BRD4: variants seen among roughly 807,000 people sequenced by gnomAD.
BRD4 encodes the protein bromodomain containing 4.
BRD4 carries 16 observed loss-of-function variants against 142.1 expected under a neutral mutation model. The observed-to-expected ratio is 0.11, with a 90% CI of 0.08 to 0.17. The LOEUF is 0.17. Ranked by LOEUF, BRD4 falls within the 10% of genes least tolerant of loss-of-function variation. The pLI is 1.00. For missense variants in BRD4, 1,424 were observed against 1,810.9 expected, an observed-to-expected ratio of 0.79 and a Z score of 3.88; for synonymous variants, 833 against 707.5, an observed-to-expected ratio of 1.18 and a Z score of -2.82.
At position 15,259,320 on chromosome 19, in the gene BRD4, C is replaced by T. The variant is rs574240622; in HGVS notation, c.1342-2147G>A. Among the ~76,000 whole-genome samples, 8 of 152,310 alleles carry T rather than the reference C, an allele frequency of 5.3e-5. No homozygotes were observed. In the East Asian group the frequency reaches 1.5e-3, roughly 29 times the overall value. On this transcript the variant is annotated intron_variant, in intron 7 of 19. Transcript: ENST00000679869. ...CTCTACTGAGTGGTAGCTACCTCAG[C>T]GAACTGGTCTGTAAGCCTGGGCCAG...
intron 1 of BRD4, among the ~76,000 whole-genome samples, chr19:15,294,225 G>A (rs2047805901): frequency 6.6e-6 from 1 of 152,256 alleles, no homozygotes; most frequent in African/African-American, 2.4e-5. Flanking sequence ...ACGCCAAGGC[G>A]AAATGTTCTT....
chr19:15,293,832 G>A (rs764739457), intron 1 of BRD4, among the ~76,000 whole-genome samples: 3 of 152,116 alleles, frequency 2.0e-5, no homozygotes, highest in Non-Finnish European at 4.4e-5. Flanking sequence ...CCTGCTCGTG[G>A]TAACCACTAT....
At chr19:15,261,991 A>G (rs1050277466) in intron 7 of BRD4, among the ~76,000 whole-genome samples, 4 of 152,240 alleles carry the variant, frequency 2.6e-5, no homozygotes, top group African/African-American at 9.6e-5. Flanking sequence ...AGAGACCAAC[A>G]AACTTCACAA....
In BRD4 at chr19:15,237,631, GAAAAA is replaced by G. The variant is rs562862448; in HGVS notation, c.*741_*745del. 1 of 171,652 alleles carries G rather than the reference GAAAAA, an allele frequency of 5.8e-6. No homozygotes were observed. The highest frequency in any genetic ancestry group is 1.2e-5 in the Non-Finnish European group (1 of 83,708). The allele number at this position is 171,652 out of a possible 1,614,324, so 10.6% of individuals were successfully genotyped here. The stretch of plus-strand genomic sequence containing the variant: ...ACAAAAAATATATATAGAAAAAAAA[GAAAAA>G]AAAAAACGAAACAGAAACACAGGTG... On this transcript the variant is annotated 3_prime_UTR_variant, in exon 20 of 20. Coordinates refer to ENST00000679869, the MANE Select transcript of BRD4 (RefSeq NM_001379291.1).
chr19:15,290,351 C>T (rs779925997), intron 1 of BRD4, among the ~76,000 whole-genome samples: 1 of 152,108 alleles, frequency 6.6e-6, no homozygotes. Context: ...ATTTTTGATG[C>T]GCCTCCACTA....
Position 15,332,485 on chromosome 19 carries a change from C to G in BRD4, c.-230G>C, listed in dbSNP as rs947883345. 2.9e-4 allele frequency: 45 copies of G among 156,900 alleles called. No homozygotes were observed. The highest frequency in any genetic ancestry group is 5.1e-4 in the South Asian group (3 of 5,928). 9.7% of individuals were successfully genotyped at this position (156,900 alleles called of 1,614,324 possible). A position where few individuals can be genotyped will look rare whatever the true frequency, so the allele number is the denominator to read the frequency against. On this transcript the variant is annotated 5_prime_UTR_variant, in exon 1 of 20. Transcript: ENST00000679869. ...GCTTCGGCTCCTCGGCTGCGGGAGA[C>G]CAGAACAAACAGCCCAGCCGCCGCC...
chr19:15,255,202 G>C lies in BRD4; in HGVS notation c.2047+95C>G, dbSNP rs1020269647. On this transcript the variant is annotated intron_variant, in intron 10 of 19. Coordinates refer to ENST00000679869, the MANE Select transcript of BRD4 (RefSeq NM_001379291.1). ...ATATTATAATTGGAAAAAAAAAAGG[G>C]GGGGGGCGCAGAAAGAGTGGACTGA... 1.3e-5 allele frequency: 16 copies of C among 1,262,912 alleles called. No homozygotes were observed. In the South Asian group the frequency reaches 1.7e-4, roughly 13 times the overall value. 78.2% of individuals were successfully genotyped at this position (1,262,912 alleles called of 1,614,324 possible).
rs907845238 is a variant in BRD4 at position 15,235,759 on chromosome 19, A to T, written c.*2618T>A. The T allele has an allele frequency of 6.6e-6, 1 of 152,184 alleles. No individual in the cohort carries two copies. The highest frequency in any genetic ancestry group is 2.4e-5 in the African/African-American group (1 of 41,436). 9.4% of individuals were successfully genotyped at this position (152,184 alleles called of 1,614,324 possible). On this transcript the variant is annotated 3_prime_UTR_variant, in exon 20 of 20. Transcript: ENST00000679869. ...GGACTAAGATTTCTAGTACTGTGGG[A>T]AGGGTTGGGAAATGGCTGGAGAAAT...
chr19:15,258,968 G>A (rs532467015), intron 7 of BRD4, among the ~76,000 whole-genome samples: 1 of 152,370 alleles, frequency 6.6e-6, no homozygotes, highest in East Asian at 1.9e-4. Flanking sequence ...GGGACGACCA[G>A]AGGCCATCAC....
Position 15,267,429 on chromosome 19 carries a change from CCCA to C in BRD4, c.543_545del (p.Gly182del), listed in dbSNP as rs1417436055. 60 of 1,614,042 alleles carry C rather than the reference CCCA, an allele frequency of 3.7e-5. No homozygotes were observed. Among genetic ancestry groups the C allele is most frequent in the Non-Finnish European group, 4.4e-5 (52 of 1,180,020 alleles). ...TCAGTACTCTACCTGTTTCTTTCCT[CCCA>C]CGTCCTCTTCCTTTTGCCTGGACTA... is the stretch of plus-strand genomic sequence containing the variant. On this transcript the variant is annotated inframe_deletion, in exon 4 of 20. Transcript: ENST00000679869.
intron 1 of BRD4, among the ~76,000 whole-genome samples, chr19:15,323,385 C>A (rs1223583104): frequency 6.6e-6 from 1 of 152,068 alleles, no homozygotes; most frequent in Non-Finnish European, 1.5e-5. Flanking sequence ...CTGGCATCCA[C>A]CACTGGGCTG....
At chr19:15,260,631 T>C (rs2047459011) in intron 7 of BRD4, among the ~76,000 whole-genome samples, 1 of 152,066 alleles carries the variant, frequency 6.6e-6, no homozygotes. Context: ...TTGCCTGCAC[T>C]AGGCCCCCTT....
intron 1 of BRD4, among the ~76,000 whole-genome samples, chr19:15,292,532 ACT>A (rs1006312909): frequency 3.3e-5 from 5 of 151,914 alleles, no homozygotes; most frequent in African/African-American, 1.2e-4. Context: ...TAATCCCAAC[ACT>A]CTGGGAGGCC....
intron 1 of BRD4, among the ~76,000 whole-genome samples, chr19:15,309,188 C>A (rs563527229): frequency 2.4e-4 from 37 of 151,912 alleles, no homozygotes; most frequent in African/African-American, 8.9e-4. Context: ...AAAAAATTAG[C>A]CAGGCGTGGT....
At chr19:15,316,298 C>T (rs1473788627) in intron 1 of BRD4, among the ~76,000 whole-genome samples, 2 of 152,088 alleles carry the variant, frequency 1.3e-5, no homozygotes, top group East Asian at 1.9e-4. Flanking sequence ...CCAACCATCC[C>T]GCTTCTATAT....
intron 1 of BRD4, chr19:15,280,448 G>A (rs1395209326): frequency 9.9e-7 from 1 of 1,012,786 alleles, no homozygotes; most frequent in South Asian, 4.6e-5. Context: ...GTATTCCAAA[G>A]AATTTCATCC....
chr19:15,307,289 T>C (rs1465244137), intron 1 of BRD4, among the ~76,000 whole-genome samples: 1 of 152,180 alleles, frequency 6.6e-6, no homozygotes, highest in African/African-American at 2.4e-5. Context: ...TCTGCTGTGC[T>C]TGACCCTCAT....
In BRD4 at chr19:15,239,341, G is replaced by A. The variant is rs1456109856; in HGVS notation, c.3576+51C>T. 6.2e-7 allele frequency: 1 copy of A among 1,613,980 alleles called. No homozygotes were observed. The highest frequency in any genetic ancestry group is 8.5e-7 in the Non-Finnish European group (1 of 1,180,042). On this transcript the variant is annotated intron_variant, in intron 17 of 19. Coordinates refer to ENST00000679869, the MANE Select transcript of BRD4 (RefSeq NM_001379291.1). This position sits in a 1 kb window ranked among gnomAD's most constrained non-coding sequence, Gnocchi z 7.4. Reference sequence around the variant, plus strand: ...CATAGCTGGGGGTGTGCCCAGCATGGCACCTTCCAGGGCCAAGGGGCAAGC... The same window carrying A: ...CATAGCTGGGGGTGTGCCCAGCATGACACCTTCCAGGGCCAAGGGGCAAGC...
chr19:15,283,956 A>C (rs899008370), intron 1 of BRD4, among the ~76,000 whole-genome samples: 1 of 152,184 alleles, frequency 6.6e-6, no homozygotes, highest in Non-Finnish European at 1.5e-5. Context: ...AAGCCAAACT[A>C]GACCTTTGAT....
Sources: gnomAD v4.1 joint callset for allele counts (sites outside exome capture counted in the v4.1 genomes callset) on GRCh38, gnomAD v4.1.1 for gene constraint, Gnocchi (gnomAD v3.1) non-coding constraint, MANE v1.5 for transcripts, NCBI Gene and HGNC (gene_info 2026-07-23, HGNC 2026-07-21) for gene names.